PBX1: variants seen among roughly 807,000 people sequenced by gnomAD.
PBX1 encodes the protein PBX homeobox 1.
In PBX1, 6 loss-of-function variants were observed where a neutral mutation model predicts 53.4. The observed-to-expected ratio is 0.11, with a 90% CI of 0.06 to 0.22. The LOEUF (loss-of-function observed/expected upper bound fraction) is 0.22, where lower values mean the gene tolerates loss of function less well. Ranked by LOEUF, PBX1 falls within the 10% of genes least tolerant of loss-of-function variation. PBX1 has a pLI of 1.00. For synonymous variants in PBX1, 204 were observed against 212.3 expected, an observed-to-expected ratio of 0.96 and a Z score of 0.34; for missense variants, 251 against 551.4, an observed-to-expected ratio of 0.46 and a Z score of 5.46.
At chr1:164,697,620 G>A (rs1662867994) in intron 2 of PBX1, among the ~76,000 whole-genome samples, 4 of 152,176 alleles carry the variant, frequency 2.6e-5, no homozygotes, top group Non-Finnish European at 4.4e-5. Flanking sequence ...GAAATTATTT[G>A]AAAGGCTCAT....
chr1:164,692,162 G>A (rs1662526554), intron 2 of PBX1, among the ~76,000 whole-genome samples: 1 of 152,140 alleles, frequency 6.6e-6, no homozygotes, highest in Non-Finnish European at 1.5e-5. Context: ...TATGCTGTGG[G>A]AAATACAAAG....
At chr1:164,829,213 C>T (rs779819862) in intron 8 of PBX1, 1 of 152,144 alleles carries the variant, frequency 6.6e-6, no homozygotes, top group Non-Finnish European at 1.5e-5. Context: ...CCAGTATAGT[C>T]AATATTATTT....
chr1:164,737,387 G>GTA (rs1557975893), intron 2 of PBX1, among the ~76,000 whole-genome samples: 2 of 152,068 alleles, frequency 1.3e-5, no homozygotes, highest in East Asian at 3.9e-4. Flanking sequence ...GATCAATGAG[G>GTA]TATAATTCAC....
At chr1:164,614,595 T>G (rs1657146396) in intron 2 of PBX1, among the ~76,000 whole-genome samples, 1 of 152,182 alleles carries the variant, frequency 6.6e-6, no homozygotes, top group Non-Finnish European at 1.5e-5. Context: ...TGCGCTATGC[T>G]GCTTCACTCT....
At chr1:164,770,157 T>C (rs1667289728) in intron 2 of PBX1, 1 of 152,238 alleles carries the variant, frequency 6.6e-6, no homozygotes, top group African/African-American at 2.4e-5. Context: ...TAAAGAAGTC[T>C]AAATTGATAT....
chr1:164,828,976 C>G (rs1225122217), intron 8 of PBX1: 1 of 152,088 alleles, frequency 6.6e-6, no homozygotes, highest in Non-Finnish European at 1.5e-5. Context: ...TGAGGAAATT[C>G]TTTTTCACAT....
chr1:164,722,902 G>T (rs1298198096), intron 2 of PBX1, among the ~76,000 whole-genome samples: 1 of 152,138 alleles, frequency 6.6e-6, no homozygotes, highest in Admixed American at 6.5e-5. Flanking sequence ...AGTTATACAT[G>T]TATGATTTTT....
At chr1:164,874,471 A>C (rs1295011806) in intron 2 of PBX1, among the ~76,000 whole-genome samples, 2 of 152,074 alleles carry the variant, frequency 1.3e-5, no homozygotes, top group Non-Finnish European at 2.9e-5. Flanking sequence ...TTACTGTATA[A>C]TTTTTGTTCG....
intron 2 of PBX1, among the ~76,000 whole-genome samples, chr1:164,643,046 T>C (rs1169795543): frequency 6.6e-6 from 1 of 152,176 alleles, no homozygotes; most frequent in Non-Finnish European, 1.5e-5. Flanking sequence ...AATTCTGCCG[T>C]TAATTTTGTT....
rs145678618 is a variant in PBX1 at position 164,711,326 on chromosome 1, C to T, written c.266-81168C>T. 2.5e-3 allele frequency among the ~76,000 whole-genome samples: 386 copies of T among 152,272 alleles called. 9 individuals are homozygous for T. In the East Asian group the frequency reaches 0.04, roughly 16 times the overall value. On this transcript the variant is annotated intron_variant, in intron 2 of 8. Coordinates refer to ENST00000420696, the MANE Select transcript of PBX1 (RefSeq NM_002585.4). ...TCGCCCATGCTGGAGTGCAGTGGCG[C>T]GATCTCGGCTCACTGCAAGCTCTGC...
intron 2 of PBX1, among the ~76,000 whole-genome samples, chr1:164,716,739 C>T (rs12026184): frequency 0.056 from 7,498 of 134,628 alleles, 238 homozygotes; most frequent in South Asian, 0.18. Flanking sequence ...CAGAAATACA[C>T]GAAGAGAAGA....
At chr1:164,804,854 T>C (rs1344400736) in intron 4 of PBX1, among the ~76,000 whole-genome samples, 1 of 152,220 alleles carries the variant, frequency 6.6e-6, no homozygotes, top group Non-Finnish European at 1.5e-5. Flanking sequence ...ACCATATCTA[T>C]AGTAATGTCA....
chr1:164,840,114 T>C (rs1671222832), intron 8 of PBX1, among the ~76,000 whole-genome samples: 1 of 152,138 alleles, frequency 6.6e-6, no homozygotes, highest in African/African-American at 2.4e-5. Context: ...AGCAGAAAAT[T>C]AAGCAAAGCT....
chr1:164,805,968 A>G (rs1669326636), intron 4 of PBX1, among the ~76,000 whole-genome samples: 1 of 152,190 alleles, frequency 6.6e-6, no homozygotes, highest in African/African-American at 2.4e-5. Context: ...CCCTGAAAAT[A>G]CAATATTAGC....
intron 2 of PBX1, among the ~76,000 whole-genome samples, chr1:164,754,782 A>G (rs1197125803): frequency 6.6e-6 from 1 of 152,164 alleles, no homozygotes; most frequent in Non-Finnish European, 1.5e-5. Flanking sequence ...AGTATGTTGT[A>G]GGTGGTACTC....
chr1:164,567,176 A>G (rs537620787), intron 2 of PBX1, among the ~76,000 whole-genome samples: 6 of 152,134 alleles, frequency 3.9e-5, no homozygotes, highest in Non-Finnish European at 8.8e-5. Flanking sequence ...GTGTCTATGT[A>G]TATGTGTGTG....
intron 2 of PBX1, among the ~76,000 whole-genome samples, chr1:164,671,111 C>T (rs1476459445): frequency 2.6e-5 from 4 of 151,732 alleles, no homozygotes; most frequent in Non-Finnish European, 5.9e-5. Flanking sequence ...GATTTCAGCT[C>T]GATTCAGTTA....
intron 2 of PBX1, chr1:164,683,948 G>A (rs1661941112): frequency 6.6e-6 from 1 of 152,050 alleles, no homozygotes; most frequent in African/African-American, 2.4e-5. Flanking sequence ...TGGGAATATA[G>A]GCATGTGCCA....
intron 2 of PBX1, among the ~76,000 whole-genome samples, chr1:164,643,296 AAG>A (rs1485809016): frequency 1.3e-5 from 2 of 152,268 alleles, no homozygotes; most frequent in South Asian, 2.1e-4. Context: ...TAGTATAGGA[AAG>A]AGAGCAATGC....
Sources: allele counts gnomAD v4.1 joint callset (sites outside exome capture counted in the v4.1 genomes callset), GRCh38; gene constraint gnomAD v4.1.1; transcripts MANE v1.5; gene names NCBI Gene and HGNC (gene_info 2026-07-23, HGNC 2026-07-21).